DNAH8: variants seen among roughly 807,000 people sequenced by gnomAD.
DNAH8 encodes axonemal beta dynein heavy chain 8.
Under a neutral mutation model 562.1 loss-of-function variants are expected in DNAH8, and 382 were observed. The ratio of observed to expected loss-of-function variants is 0.68; its 90% confidence interval spans 0.63 to 0.74. The LOEUF is 0.74. DNAH8 is among the 30% of genes least tolerant of loss of function. The probability of loss-of-function intolerance (pLI) is 0.00; values close to 1 mark genes in which losing one functional copy is unlikely to be tolerated. For missense variants in DNAH8, 5,203 were observed against 5,620.4 expected, an observed-to-expected ratio of 0.93 and a Z score of 2.37; for synonymous variants, 1,881 against 1,919.4, an observed-to-expected ratio of 0.98 and a Z score of 0.52.
intron 88 of DNAH8, among the ~76,000 whole-genome samples, chr6:39,001,333 A>G (rs889339445): frequency 6.6e-6 from 1 of 152,022 alleles, no homozygotes. Flanking sequence ...TGAAGTTGGA[A>G]TGAAGATAAA....
At chr6:38,787,573 G>T (rs1769287225) in intron 18 of DNAH8, among the ~76,000 whole-genome samples, 1 of 151,636 alleles carries the variant, frequency 6.6e-6, no homozygotes, top group South Asian at 2.1e-4. Context: ...GTGCACGCTT[G>T]TAATCCCAGC....
rs974327743 is a variant in DNAH8, at chr6:38,984,192, T to C, written c.12952-14T>C. 6.9e-7 allele frequency: 1 copy of C among 1,448,812 alleles called. No homozygotes were observed. Among genetic ancestry groups the C allele is most frequent in the African/African-American group, 1.4e-5 (1 of 71,418 alleles). 89.7% of individuals were successfully genotyped at this position (1,448,812 alleles called of 1,614,324 possible). A position where few individuals can be genotyped will look rare whatever the true frequency, so the allele number is the denominator to read the frequency against. On this transcript the variant is annotated splice_polypyrimidine_tract_variant and intron_variant, in intron 86 of 92. Coordinates refer to ENST00000327475, the MANE Select transcript of DNAH8 (RefSeq NM_001206927.2). ...GGGTTGACAATTAATAATCCTTTTT[T>C]ACTTTTAATAAAGGGTGTATCATGG... is the stretch of plus-strand genomic sequence containing the variant.
intron 85 of DNAH8, among the ~76,000 whole-genome samples, chr6:38,977,054 G>A (rs1036793439): frequency 6.6e-6 from 1 of 152,212 alleles, no homozygotes; most frequent in Non-Finnish European, 1.5e-5. Context: ...CAGTTCATAG[G>A]CATGATATGT....
intron 73 of DNAH8, chr6:38,924,848 C>T (rs1379801419): frequency 6.6e-6 from 1 of 152,164 alleles, no homozygotes; most frequent in African/African-American, 2.4e-5. Flanking sequence ...TTTTTAGTGT[C>T]TAAAAACGTA....
intron 36 of DNAH8, among the ~76,000 whole-genome samples, chr6:38,847,330 T>G (rs1775378546): frequency 6.6e-6 from 1 of 151,896 alleles, no homozygotes; most frequent in Non-Finnish European, 1.5e-5. Context: ...TTTTTTTCTG[T>G]GCAGAACAAT....
chr6:38,945,437 C>G (rs2150615345), intron 79 of DNAH8, 30 bp from the exon 80 acceptor site: 1 of 1,612,628 alleles, frequency 6.2e-7, no homozygotes, highest in Non-Finnish European at 8.5e-7. Context: ...CAGGCTTACC[C>G]AATTCACCCT....
intron 4 of DNAH8, 147 bp from the exon 5 acceptor site, chr6:38,734,327 C>CCA (rs201921520): frequency 4.9e-5 from 8 of 162,716 alleles, no homozygotes; most frequent in African/African-American, 1.8e-4. Flanking sequence ...TTCTAGTAGA[C>CCA]CCCCCCCCAA....
intron 48 of DNAH8, 147 bp from the exon 49 acceptor site, chr6:38,870,254 G>A (rs1482487921): frequency 3.0e-6 from 2 of 669,418 alleles, no homozygotes; most frequent in Non-Finnish European, 4.9e-6. Flanking sequence ...TGATATTCTG[G>A]AGAAAGTACT....
At chr6:38,991,076 A>C (rs997375912) in intron 88 of DNAH8, among the ~76,000 whole-genome samples, 1 of 152,212 alleles carries the variant, frequency 6.6e-6, no homozygotes, top group African/African-American at 2.4e-5. Flanking sequence ...GGGTTTGGAC[A>C]TGGACATTTC....
intron 15 of DNAH8, 65 bp downstream of exon 15, chr6:38,780,130 T>C: frequency 6.8e-7 from 1 of 1,462,144 alleles, no homozygotes; most frequent in Non-Finnish European, 9.4e-7. Context: ...CTGAAAATAT[T>C]TGCCATCATT....
intron 3 of DNAH8, among the ~76,000 whole-genome samples, chr6:38,724,817 G>C (rs1434892824): frequency 6.6e-6 from 1 of 152,170 alleles, no homozygotes; most frequent in Non-Finnish European, 1.5e-5. Flanking sequence ...AGAAAGACCA[G>C]TGAGCAGGTG....
intron 42 of DNAH8, 75 bp downstream of exon 42, chr6:38,857,817 T>C (rs1386844948): frequency 5.5e-6 from 5 of 908,212 alleles, no homozygotes; most frequent in Non-Finnish European, 8.4e-6. Context: ...TTGCCTAACT[T>C]ACATGAACTT....
At chr6:39,007,419 T>C (rs1323284107) in intron 88 of DNAH8, among the ~76,000 whole-genome samples, 1 of 152,160 alleles carries the variant, frequency 6.6e-6, no homozygotes, top group Non-Finnish European at 1.5e-5. Context: ...CAAAAGGAAA[T>C]ATGAATGTGG....
In DNAH8 at chr6:38,851,595, T is replaced by A; in HGVS notation, c.5387T>A (p.Leu1796Gln). 1 of 1,608,934 alleles carries A rather than the reference T, an allele frequency of 6.2e-7. No individual in the cohort carries two copies. Among genetic ancestry groups the A allele is most frequent in the South Asian group, 1.1e-5 (1 of 89,404 alleles). Residue 1796 changes from leucine (L) to glutamine (Q), a missense_variant, in exon 39 of 93, where the codon CTG (leucine) becomes CAG (glutamine). Around this residue, in one of 6 missense-constraint regions of DNAH8, gnomAD observed 2,176 missense variants for 2,365.1 expected, o/e 0.92. Coordinates refer to ENST00000327475, the MANE Select transcript of DNAH8 (RefSeq NM_001206927.2). ...AGGTATTTGGAGAAGAAACGATTAC[T>A]GTTTCCAAGATTCTTCTTTGTATCT... ...LTGYLEKKRL[L>Q]FPRFFFVSDP...
At chr6:38,909,448 C>T (rs781390067) in intron 64 of DNAH8, 70 bp from the exon 65 acceptor site, 119 of 1,419,008 alleles carry the variant, frequency 8.4e-5, no homozygotes, top group African/African-American at 4.2e-4. Flanking sequence ...GGTCAGATTG[C>T]GTAAATCTCT....
intron 82 of DNAH8, among the ~76,000 whole-genome samples, chr6:38,963,737 C>T: frequency 5.4e-5 from 3 of 55,786 alleles, no homozygotes; most frequent in South Asian, 9.1e-4. Flanking sequence ...TTGGGTGTTT[C>T]TCACAGAGGG....
chr6:38,721,995 T>A (rs1348307509), intron 1 of DNAH8, among the ~76,000 whole-genome samples: 2 of 152,238 alleles, frequency 1.3e-5, no homozygotes, highest in African/African-American at 4.8e-5. Flanking sequence ...GTTGGAGGCA[T>A]CATTATTGTC....
intron 58 of DNAH8, among the ~76,000 whole-genome samples, chr6:38,893,392 C>G (rs1779466967): frequency 6.6e-6 from 1 of 152,000 alleles, no homozygotes; most frequent in African/African-American, 2.4e-5. Context: ...AGGAAAGAAG[C>G]AGGTTAACAA....
At chr6:38,741,984 T>C in intron 8 of DNAH8, 97 bp downstream of exon 8, 1 of 950,744 alleles carries the variant, frequency 1.1e-6, no homozygotes, top group Non-Finnish European at 1.5e-6. Context: ...ACTGGAATCG[T>C]GTTTAGAAGT....
Sources: gnomAD v4.1 joint callset for allele counts (sites outside exome capture counted in the v4.1 genomes callset) on GRCh38, gnomAD v4.1.1 for gene constraint, gnomAD v4.1.1 regional missense constraint, MANE v1.5 for transcripts, NCBI Gene and HGNC (gene_info 2026-07-23, HGNC 2026-07-21) for gene names.